The following PELI2 variants were observed in gnomAD, a reference collection of about 807,000 sequenced individuals.
PELI2 encodes pellino E3 ubiquitin protein ligase family member 2.
Under a neutral mutation model 42.3 loss-of-function variants are expected in PELI2, and 23 were observed. The observed-to-expected ratio is 0.54, with a 90% CI of 0.39 to 0.77. PELI2 has a LOEUF of 0.77. PELI2 is among the 30% of genes least tolerant of loss of function. PELI2 has a pLI of 0.00. For missense variants in PELI2, 463 were observed against 553.2 expected (o/e 0.84, Z 1.64); for synonymous variants, 245 against 212.2 (o/e 1.15, Z -1.34).
At chr14:56,217,853 C>T (rs576664648) in intron 2 of PELI2, among the ~76,000 whole-genome samples, 1 of 152,292 alleles carries the variant, frequency 6.6e-6, no homozygotes, top group Admixed American at 6.5e-5. Context: ...TACTCACCAG[C>T]TCGCAGATCT....
chr14:56,238,145 C>G (rs1429698779), intron 2 of PELI2, among the ~76,000 whole-genome samples: 1 of 150,776 alleles, frequency 6.6e-6, no homozygotes, highest in Admixed American at 6.6e-5. Context: ...TTGACTTAAC[C>G]TATTGTCAGT....
At chr14:56,279,628 G>C in intron 2 of PELI2, 48 bp from the exon 3 acceptor site, 1 of 1,086,120 alleles carries the variant, frequency 9.2e-7, no homozygotes, top group Non-Finnish European at 1.4e-6. Context: ...GAATTGATAA[G>C]TTGTTGAAAT....
At chr14:56,193,707 T>C (rs996288790) in intron 2 of PELI2, among the ~76,000 whole-genome samples, 2 of 152,360 alleles carry the variant, frequency 1.3e-5, no homozygotes, top group African/African-American at 4.8e-5. Context: ...TATTTTAAAA[T>C]TTTATCAAGT....
At chr14:56,274,576 G>A (rs1245161432) in intron 2 of PELI2, among the ~76,000 whole-genome samples, 1 of 152,142 alleles carries the variant, frequency 6.6e-6, no homozygotes, top group Non-Finnish European at 1.5e-5. Flanking sequence ...GTTTATAAGA[G>A]GAAGAAAATT....
At chr14:56,292,667 A>G (rs966633532) in intron 5 of PELI2, 3 of 382,546 alleles carry the variant, frequency 7.8e-6, no homozygotes, top group Non-Finnish European at 1.1e-5. Context: ...ATATGAATCA[A>G]TATACTAATG....
At chr14:56,186,794 A>G (rs1311255944) in intron 2 of PELI2, among the ~76,000 whole-genome samples, 2 of 152,210 alleles carry the variant, frequency 1.3e-5, no homozygotes, top group African/African-American at 4.8e-5. Context: ...TATTCGTTGG[A>G]AAAATAATTT....
chr14:56,124,309 A>G (rs1218176596), intron 1 of PELI2, among the ~76,000 whole-genome samples: 2 of 151,774 alleles, frequency 1.3e-5, no homozygotes. Flanking sequence ...AATGATTCAG[A>G]TATGTCATGT....
chr14:56,267,040 T>C (rs1184093892), intron 2 of PELI2, among the ~76,000 whole-genome samples: 4 of 152,106 alleles, frequency 2.6e-5, no homozygotes, highest in East Asian at 1.9e-4. Flanking sequence ...TGGAAGGATA[T>C]ATAAGAAACT....
At chr14:56,225,331 G>C (rs1431162152) in intron 2 of PELI2, among the ~76,000 whole-genome samples, 2 of 152,140 alleles carry the variant, frequency 1.3e-5, no homozygotes, top group Non-Finnish European at 2.9e-5. Flanking sequence ...TATCAGGAAG[G>C]TTTCTGAGAG....
chr14:56,256,003 C>CT (rs1348974416), intron 2 of PELI2, among the ~76,000 whole-genome samples: 2 of 152,146 alleles, frequency 1.3e-5, no homozygotes, highest in Non-Finnish European at 2.9e-5. Context: ...TTTGGGGCTG[C>CT]TTTTCATTAA....
At chr14:56,289,369 G>C (rs1734466766) in intron 4 of PELI2, among the ~76,000 whole-genome samples, 1 of 152,194 alleles carries the variant, frequency 6.6e-6, no homozygotes, top group African/African-American at 2.4e-5. Flanking sequence ...GTGGGTGAGA[G>C]CTGGCTCCTG....
chr14:56,119,942 T>A, intron 1 of PELI2: 1 of 546,400 alleles, frequency 1.8e-6, no homozygotes, highest in Non-Finnish European at 2.3e-6. Flanking sequence ...GATAAGTGAG[T>A]GCCTTGAAGT....
At chr14:56,193,667 TGA>T (rs1886030517) in intron 2 of PELI2, among the ~76,000 whole-genome samples, 1 of 152,366 alleles carries the variant, frequency 6.6e-6, no homozygotes, top group Non-Finnish European at 1.5e-5. Context: ...AAAATCCATA[TGA>T]GTTAATCTCA....
At chr14:56,132,506 G>C (rs1042562027) in intron 1 of PELI2, among the ~76,000 whole-genome samples, 1 of 152,174 alleles carries the variant, frequency 6.6e-6, no homozygotes, top group African/African-American at 2.4e-5. Context: ...TAGGCGGACA[G>C]CCCTGCTGGA....
chr14:56,247,977 C>G (rs1482474637), intron 2 of PELI2, among the ~76,000 whole-genome samples: 1 of 152,064 alleles, frequency 6.6e-6, no homozygotes, highest in Admixed American at 6.5e-5. Context: ...CTAAAAATGC[C>G]CACTGTTTTA....
chr14:56,132,506 G>T (rs1042562027), intron 1 of PELI2, among the ~76,000 whole-genome samples: 11 of 152,174 alleles, frequency 7.2e-5, no homozygotes, highest in African/African-American at 2.7e-4. Flanking sequence ...TAGGCGGACA[G>T]CCCTGCTGGA....
chr14:56,200,816 T>G (rs568468035), intron 2 of PELI2, among the ~76,000 whole-genome samples: 1 of 152,320 alleles, frequency 6.6e-6, no homozygotes, highest in South Asian at 2.1e-4. Context: ...TTTCATTAGT[T>G]GTCTTACATT....
intron 2 of PELI2, among the ~76,000 whole-genome samples, chr14:56,261,062 G>A (rs1594693866): frequency 6.6e-6 from 1 of 151,730 alleles, no homozygotes; most frequent in South Asian, 2.1e-4. Context: ...AAATGTTCTG[G>A]CTGCAGGGAG....
intron 2 of PELI2, among the ~76,000 whole-genome samples, chr14:56,251,645 C>T (rs568858103): frequency 1.1e-4 from 17 of 152,300 alleles, no homozygotes; most frequent in African/African-American, 3.1e-4. Context: ...GTTTCAGTCT[C>T]GTCATACCCT....
Sources: allele counts gnomAD v4.1 joint callset (sites outside exome capture counted in the v4.1 genomes callset), GRCh38; gene constraint gnomAD v4.1.1; transcripts MANE v1.5; gene names NCBI Gene and HGNC (gene_info 2026-07-23, HGNC 2026-07-21).